The following ITPR1 variants were observed in gnomAD, a reference collection of about 807,000 sequenced individuals.
The protein encoded by ITPR1 is inositol 1,4,5-trisphosphate-gated calcium channel ITPR1.
A neutral mutation model predicts 318.4 loss-of-function variants in ITPR1; 96 were observed. That is an observed-to-expected ratio of 0.30 (90% CI 0.26 to 0.36). ITPR1 has a LOEUF of 0.36. Ranked by LOEUF, ITPR1 falls within the 10% of genes least tolerant of loss-of-function variation. The pLI is 1.00. For synonymous variants in ITPR1, 1,312 were observed against 1,289.9 expected, an observed-to-expected ratio of 1.02 and a Z score of -0.37; for missense variants, 2,440 against 3,460.2, an observed-to-expected ratio of 0.71 and a Z score of 7.40.
At position 4,662,201 on chromosome 3, in the gene ITPR1, T is replaced by C. The variant is rs1327853766; in HGVS notation, c.1371T>C (p.Ala457=). The C allele has an allele frequency of 1.9e-6, 3 of 1,612,240 alleles. No individual in the cohort carries two copies. The highest frequency in any genetic ancestry group is 2.5e-6 in the Non-Finnish European group (3 of 1,178,852). The change falls in exon 15 of 62, where the codon GCT becomes GCC. Residue 457 remains alanine (A), a synonymous_variant. Transcript: ENST00000649015. ...NDASKVLGSI[A]GKLEKGTITQ... ...CCAGCAAGGTGCTGGGCTCCATTGCTGGGAAGCTAGAGAAGGGCACCATCA... is the reference window on the plus strand; with the variant it reads ...CCAGCAAGGTGCTGGGCTCCATTGCCGGGAAGCTAGAGAAGGGCACCATCA...
intron 37 of ITPR1, among the ~76,000 whole-genome samples, chr3:4,709,948 T>C (rs1339684702): frequency 6.6e-6 from 1 of 152,350 alleles, no homozygotes; most frequent in East Asian, 1.9e-4. Context: ...TAGATATTGA[T>C]GATGTTTATA....
chr3:4,760,295 G>A (rs1329602570), intron 44 of ITPR1, among the ~76,000 whole-genome samples: 2 of 152,272 alleles, frequency 1.3e-5, no homozygotes, highest in African/African-American at 4.8e-5. Flanking sequence ...ACTGGAGGGT[G>A]AGGAGAGGTC....
At chr3:4,617,849 C>A (rs2092447537) in intron 4 of ITPR1, among the ~76,000 whole-genome samples, 1 of 150,280 alleles carries the variant, frequency 6.7e-6, no homozygotes, top group Non-Finnish European at 1.5e-5. Context: ...AAAAGGCTTA[C>A]AGGCTTACAC....
Position 4,768,784 on chromosome 3 carries a change from G to T in ITPR1, c.5979+20G>T. 2 of 1,595,814 alleles carry T rather than the reference G, an allele frequency of 1.3e-6. No individual in the cohort carries two copies. The highest frequency in any genetic ancestry group is 1.7e-6 in the Non-Finnish European group (2 of 1,166,724). On this transcript the variant is annotated intron_variant, in intron 46 of 61. Transcript: ENST00000649015. ...CTGCAGGTGAGGGCCTGGGGGTGGG[G>T]GCGTGGAGGGAGCTCGGGAAAGGCT...
chr3:4,673,109 G>A, intron 20 of ITPR1, 27 bp from the exon 21 acceptor site: 1 of 1,598,998 alleles, frequency 6.3e-7, no homozygotes, highest in Non-Finnish European at 8.5e-7. Flanking sequence ...TGGAGCGTGA[G>A]CTGTGTGCCC....
At chr3:4,513,107 A>G (rs1488550877) in intron 2 of ITPR1, among the ~76,000 whole-genome samples, 1 of 152,134 alleles carries the variant, frequency 6.6e-6, no homozygotes, top group Non-Finnish European at 1.5e-5. Flanking sequence ...CAAATGGTCC[A>G]CGATCAGATA....
At chr3:4,730,224 A>C (rs1441630489) in intron 42 of ITPR1, among the ~76,000 whole-genome samples, 1 of 147,176 alleles carries the variant, frequency 6.8e-6, no homozygotes, top group Non-Finnish European at 1.5e-5. Context: ...TTTAAAAAAA[A>C]AAAAAACAAA....
At chr3:4,504,365 A>G (rs1343760247) in intron 2 of ITPR1, among the ~76,000 whole-genome samples, 1 of 152,176 alleles carries the variant, frequency 6.6e-6, no homozygotes, top group Non-Finnish European at 1.5e-5. Context: ...TCTGAACTTC[A>G]GATTTACAGC....
intron 45 of ITPR1, among the ~76,000 whole-genome samples, chr3:4,767,881 G>C (rs1024656538): frequency 5.9e-5 from 9 of 152,106 alleles, no homozygotes; most frequent in Non-Finnish European, 1.0e-4. Flanking sequence ...TACAATTGAG[G>C]TACCTCCATT....
intron 54 of ITPR1, 36 bp from the exon 55 acceptor site, chr3:4,806,067 T>A (rs1401958242): frequency 6.3e-7 from 1 of 1,576,032 alleles, no homozygotes; most frequent in Non-Finnish European, 8.7e-7. Flanking sequence ...TTTGGCACAG[T>A]CCGTGCCATC....
chr3:4,509,233 G>C (rs534563772), intron 2 of ITPR1, among the ~76,000 whole-genome samples: 3 of 152,290 alleles, frequency 2.0e-5, no homozygotes, highest in African/African-American at 2.4e-5. Context: ...CACACAGCTG[G>C]TAATTTATGA....
chr3:4,695,076 T>G (rs2094536986), intron 33 of ITPR1, among the ~76,000 whole-genome samples: 1 of 152,258 alleles, frequency 6.6e-6, no homozygotes, highest in South Asian at 2.1e-4. Context: ...GATGTTTTTT[T>G]ACAGTTGCAT....
intron 60 of ITPR1, among the ~76,000 whole-genome samples, chr3:4,823,831 CACT>C (rs1559960343): frequency 6.6e-6 from 1 of 152,066 alleles, no homozygotes; most frequent in Admixed American, 6.5e-5. Flanking sequence ...GATCACTAGG[CACT>C]ATATACATGT....
chr3:4,513,004 G>C (rs924020388), intron 2 of ITPR1, among the ~76,000 whole-genome samples: 1 of 152,220 alleles, frequency 6.6e-6, no homozygotes, highest in African/African-American at 2.4e-5. Flanking sequence ...CTCCGTGGCA[G>C]GTTGGCGCCA....
At chr3:4,574,787 G>A (rs953353706) in intron 4 of ITPR1, among the ~76,000 whole-genome samples, 7 of 152,338 alleles carry the variant, frequency 4.6e-5, no homozygotes, top group African/African-American at 9.6e-5. Flanking sequence ...CATCAATTTT[G>A]CCTGTTCCCA....
chr3:4,519,249 A>G (rs1388056710), intron 3 of ITPR1, among the ~76,000 whole-genome samples: 1 of 151,168 alleles, frequency 6.6e-6, no homozygotes, highest in Non-Finnish European at 1.5e-5. Context: ...TTTTCTTGAG[A>G]TGGAGTCTCA....
chr3:4,810,992 A>T (rs890303294), intron 55 of ITPR1, among the ~76,000 whole-genome samples: 9 of 152,212 alleles, frequency 5.9e-5, no homozygotes, highest in Non-Finnish European at 5.9e-5. Context: ...TGGCACAAGC[A>T]TGTATTTTCT....
intron 4 of ITPR1, among the ~76,000 whole-genome samples, chr3:4,534,820 C>G (rs951691857): frequency 2.0e-5 from 3 of 152,164 alleles, no homozygotes; most frequent in Non-Finnish European, 4.4e-5. Context: ...CTCTCCTCCC[C>G]CTATAACCAT....
chr3:4,543,164 A>G (rs2084629113), intron 4 of ITPR1, among the ~76,000 whole-genome samples: 1 of 152,002 alleles, frequency 6.6e-6, no homozygotes, highest in Non-Finnish European at 1.5e-5. Context: ...CAGCTACTCG[A>G]CAGGCTTAGG....
Sources: gnomAD v4.1 joint callset for allele counts (sites outside exome capture counted in the v4.1 genomes callset) on GRCh38, gnomAD v4.1.1 for gene constraint, MANE v1.5 for transcripts, NCBI Gene and HGNC (gene_info 2026-07-23, HGNC 2026-07-21) for gene names.